The following HLA-DQA2 variants were observed in gnomAD, a reference collection of about 807,000 sequenced individuals.
HLA-DQA2 encodes the protein HLA class II histocompatibility antigen, DQ alpha 2 chain.
In HLA-DQA2, 17 loss-of-function variants were observed where a neutral mutation model predicts 21.0. The ratio of observed to expected loss-of-function variants is 0.81; its 90% CI spans 0.56 to 1.22. HLA-DQA2 has a LOEUF of 1.22. Among genes scored for constraint, HLA-DQA2 ranks in the 50% most tolerant of loss-of-function variants. The pLI is 0.00. For missense variants in HLA-DQA2, 239 were observed against 308.8 expected (o/e 0.77, Z 1.69); for synonymous variants, 81 against 116.5 (o/e 0.70, Z 1.96).
chr6:32,744,271 C>T (rs1198288288), intron 1 of HLA-DQA2, among the ~76,000 whole-genome samples: 1 of 147,706 alleles, frequency 6.8e-6, no homozygotes, highest in Non-Finnish European at 1.5e-5. Context: ...TCCAGTTCGG[C>T]TCATTTGGCT....
intron 1 of HLA-DQA2, among the ~76,000 whole-genome samples, chr6:32,743,947 C>A (rs1763387505): frequency 6.6e-6 from 1 of 152,054 alleles, no homozygotes. Context: ...CCAGGAAATC[C>A]TAAAAGATAA....
chr6:32,743,971 G>GA (rs1297060932), intron 1 of HLA-DQA2, among the ~76,000 whole-genome samples: 1 of 152,260 alleles, frequency 6.6e-6, no homozygotes. Flanking sequence ...CTTTCAGGGA[G>GA]AAAAAACAGA....
rs1763203669 is a variant in HLA-DQA2, at chr6:32,741,450, C to T, written c.7C>T (p.Leu3=). The change falls in exon 1 of 5, where the codon CTA becomes TTA. Residue 3 remains leucine, a synonymous_variant. Transcript: ENST00000374940. ...AGGCTGCCTTGGGAAGAAGATGATC[C>T]TAAACAAAGCTCTGCTGCTGGGGGC... The part of the protein sequence containing the change: MI[L]NKALLLGALA... 6.2e-7 allele frequency: 1 copy of T among 1,613,822 alleles called. No homozygotes were observed. Among genetic ancestry groups the T allele is most frequent in the Non-Finnish European group, 8.5e-7 (1 of 1,179,966 alleles).
chr6:32,745,672 T>TA (rs1188141104), intron 2 of HLA-DQA2, 119 bp from the exon 3 acceptor site: 2 of 1,293,838 alleles, frequency 1.5e-6, no homozygotes, highest in African/African-American at 3.0e-5. Context: ...AGAAGGTAAA[T>TA]AAGACCTCTT....
rs760001092 is a variant in HLA-DQA2, at chr6:32,745,308, A to G, written c.232A>G (p.Ile78Val). 3.1e-6 allele frequency: 5 copies of G among 1,590,170 alleles called. No individual in the cohort carries two copies. The highest frequency in any genetic ancestry group is 2.6e-6 in the Non-Finnish European group (3 of 1,167,070). ...VWQLPMFSKF[I>V]SFDPQSALRN... is the part of the protein sequence containing the mutation. ...GCAGTTGCCTATGTTTAGCAAATTT[A>G]TAAGTTTTGACCCGCAGAGTGCACT... is the stretch of plus-strand genomic sequence containing the variant. Residue 78 changes from isoleucine (I) to valine (V), a missense_variant, in exon 2 of 5, where the codon ATA becomes GTA. By Grantham distance (29) the Ile-to-Val change is conservative (BLOSUM62 3). Coordinates refer to ENST00000374940, the MANE Select transcript of HLA-DQA2 (RefSeq NM_020056.5).
At chr6:32,743,764 T>C (rs1368180504) in intron 1 of HLA-DQA2, among the ~76,000 whole-genome samples, 1 of 152,124 alleles carries the variant, frequency 6.6e-6, no homozygotes, top group Admixed American at 6.5e-5. Context: ...AGGGCAGTCA[T>C]GCTGGGTAGG....
At chr6:32,744,739 C>T (rs1047349405) in intron 1 of HLA-DQA2, among the ~76,000 whole-genome samples, 3 of 150,538 alleles carry the variant, frequency 2.0e-5, no homozygotes, top group Admixed American at 6.6e-5. Context: ...TGACAGGAAA[C>T]GAAGTATAAT....
chr6:32,742,030 G>T (rs759269230), intron 1 of HLA-DQA2, among the ~76,000 whole-genome samples: 4 of 152,168 alleles, frequency 2.6e-5, no homozygotes, highest in Non-Finnish European at 5.9e-5. Context: ...TGGCACAGGT[G>T]GGGAGTAGGT....
At chr6:32,744,488 T>G (rs1204979654) in intron 1 of HLA-DQA2, among the ~76,000 whole-genome samples, 1 of 152,140 alleles carries the variant, frequency 6.6e-6, no homozygotes, top group Non-Finnish European at 1.5e-5. Flanking sequence ...CACTTTTCAT[T>G]TCAGAAGAAA....
At chr6:32,743,830 T>G (rs1158572616) in intron 1 of HLA-DQA2, among the ~76,000 whole-genome samples, 1 of 150,770 alleles carries the variant, frequency 6.6e-6, no homozygotes, top group Non-Finnish European at 1.5e-5. Context: ...ACATTGAGAT[T>G]CCATTGAGGC....
intron 1 of HLA-DQA2, 138 bp from the exon 2 acceptor site, chr6:32,745,021 G>A (rs1285870109): frequency 1.0e-6 from 1 of 961,852 alleles, no homozygotes; most frequent in Non-Finnish European, 1.6e-6. Context: ...GGAGGAAGCA[G>A]GTGTTAGGAA....
chr6:32,744,418 C>T (rs958087154), intron 1 of HLA-DQA2, among the ~76,000 whole-genome samples: 2 of 116,616 alleles, frequency 1.7e-5, no homozygotes, highest in South Asian at 4.2e-4. Context: ...TTAGTAACCT[C>T]CTTCAGAGGA....
At position 32,745,792 on chromosome 6, in the gene HLA-DQA2, G is replaced by C; in HGVS notation, c.333G>C (p.Glu111Asp). The C allele has an allele frequency of 6.2e-7, 1 of 1,613,104 alleles. No homozygotes were observed. Among genetic ancestry groups the C allele is most frequent in the Non-Finnish European group, 8.5e-7 (1 of 1,180,048 alleles). The change falls in exon 3 of 5, where the codon GAG becomes GAC. Residue 111 changes from glutamate (E) to aspartate (D), a missense_variant and splice_region_variant. Coordinates refer to ENST00000374940, the MANE Select transcript of HLA-DQA2 (RefSeq NM_020056.5). ...RQSNSTAATN[E>D]VPEVTVFSKF... ...ATCAGTGCTGTTTCCTCACCACAGA[G>C]GTTCCTGAGGTCACAGTGTTTTCCA...
chr6:32,742,967 G>A (rs556206852), intron 1 of HLA-DQA2, among the ~76,000 whole-genome samples: 33 of 141,888 alleles, frequency 2.3e-4, no homozygotes, highest in Non-Finnish European at 3.8e-4. Context: ...CCAGGTTCAC[G>A]CCATTCTCCT....
chr6:32,744,427 G>GAAAA (rs9282267), intron 1 of HLA-DQA2, among the ~76,000 whole-genome samples: 95 of 147,758 alleles, frequency 6.4e-4, no homozygotes, highest in East Asian at 4.4e-3. Flanking sequence ...TCCTTCAGAG[G>GAAAA]AAAAAAAAAA....
chr6:32,746,508 C>T (rs1235909664), intron 4 of HLA-DQA2, 74 bp from the exon 5 acceptor site: 14 of 1,378,870 alleles, frequency 1.0e-5, no homozygotes, highest in South Asian at 2.4e-5. Context: ...AAGTTGTAGG[C>T]GAATTGGGAA....
chr6:32,746,243 C>A lies in HLA-DQA2; in HGVS notation c.617C>A (p.Pro206His). 6.2e-7 allele frequency: 1 copy of A among 1,613,104 alleles called. No homozygotes were observed. Among genetic ancestry groups the A allele is most frequent in the Non-Finnish European group, 8.5e-7 (1 of 1,180,036 alleles). Residue 206 changes from proline to histidine, a missense_variant, in exon 4 of 5, where the codon CCT (proline) becomes CAT (histidine). Coordinates refer to ENST00000374940, the MANE Select transcript of HLA-DQA2 (RefSeq NM_020056.5). ...LDEPLLKHWE[P>H]EIPAPMSELT... ...CTCAACAGCTCCACTTTCACAGAGCCTGAGATTCCAGCCCCTATGTCAGAG... is the reference window on the plus strand; with the variant it reads ...CTCAACAGCTCCACTTTCACAGAGCATGAGATTCCAGCCCCTATGTCAGAG...
Position 32,745,194 on chromosome 6 carries a change from C to A in HLA-DQA2, c.118C>A (p.Gln40Lys), listed in dbSNP as rs1763477824. The A allele has an allele frequency of 4.3e-6, 7 of 1,613,990 alleles. No homozygotes were observed. The highest frequency in any genetic ancestry group is 1.7e-5 in the Admixed American group (1 of 60,006). ...TGCCTCCTATGGTGTGAACTTCTACCAGTCTCACGGTCCCTCTGGCCAGTA... is the reference window on the plus strand; with the variant it reads ...TGCCTCCTATGGTGTGAACTTCTACAAGTCTCACGGTCCCTCTGGCCAGTA... ...HVASYGVNFY[Q>K]SHGPSGQYTH... is the part of the protein sequence containing the mutation. Residue 40 changes from glutamine to lysine, a missense_variant, in exon 2 of 5, where the codon CAG becomes AAG. Physicochemically the swap from Gln to Lys is moderately conservative, Grantham distance 53. Transcript: ENST00000374940.
intron 1 of HLA-DQA2, among the ~76,000 whole-genome samples, chr6:32,743,111 C>A (rs1462391217): frequency 1.5e-5 from 2 of 137,132 alleles, no homozygotes; most frequent in East Asian, 2.2e-4. Flanking sequence ...ATGATCCGCC[C>A]GTCTCAACCT....
Sources: gnomAD v4.1 joint callset for allele counts (sites outside exome capture counted in the v4.1 genomes callset) on GRCh38, gnomAD v4.1.1 for gene constraint, MANE v1.5 for transcripts, NCBI Gene and HGNC (gene_info 2026-07-23, HGNC 2026-07-21) for gene names.